Variants in OPRM1 observed in about 807,000 individuals in gnomAD.
The protein encoded by OPRM1 is opioid receptor mu 1.
A neutral mutation model predicts 31.8 loss-of-function variants in OPRM1; 27 were observed. That is an observed-to-expected ratio of 0.85 (90% CI 0.63 to 1.17). OPRM1 has a LOEUF of 1.17. Ranked by LOEUF, OPRM1 falls within the 50% of genes most tolerant of loss-of-function variation. The pLI, the probability that OPRM1 is intolerant of heterozygous loss-of-function variation, is 0.00. For missense variants in OPRM1, 536 were observed against 511.1 expected (o/e 1.05, Z -0.47); for synonymous variants, 196 against 189.9 (o/e 1.03, Z -0.26).
At chr6:154,058,065 G>T (rs1583279902) in intron 1 of OPRM1, among the ~76,000 whole-genome samples, 2 of 152,244 alleles carry the variant, frequency 1.3e-5, no homozygotes, top group East Asian at 3.9e-4. Context: ...ATGCCACAAA[G>T]CATAACTTAA....
At chr6:154,046,160 C>T (rs1275686173) in intron 1 of OPRM1, among the ~76,000 whole-genome samples, 1 of 152,184 alleles carries the variant, frequency 6.6e-6, no homozygotes, top group African/African-American at 2.4e-5. Context: ...AAGGTTTTCT[C>T]TTAACTATCA....
chr6:154,084,406 C>G (rs948633172), intron 1 of OPRM1, among the ~76,000 whole-genome samples: 2 of 151,560 alleles, frequency 1.3e-5, no homozygotes, highest in Non-Finnish European at 2.9e-5. Flanking sequence ...GAACCTCCCC[C>G]CCCAACAGAC....
chr6:154,168,843 TGA>T lies in OPRM1; in HGVS notation c.1164+77372_1164+77373del, dbSNP rs1799645367. Among the ~76,000 whole-genome samples, 1 of 149,746 alleles carries T rather than the reference TGA, an allele frequency of 6.7e-6. No individual in the cohort carries two copies. ...CTGGTCTTGAACTCCTGACTTTGGG[TGA>T]TCCGCCCACCTTGGCCTCCCAAAGT... On this transcript the variant is annotated intron_variant, in intron 3 of 3. Coordinates refer to the OPRM1 transcript ENST00000337049. This position sits in a 1 kb window ranked among gnomAD's most constrained non-coding sequence, Gnocchi z 4.1.
chr6:154,068,157 A>G (rs192573643), intron 1 of OPRM1, among the ~76,000 whole-genome samples: 1 of 152,272 alleles, frequency 6.6e-6, no homozygotes, highest in Non-Finnish European at 1.5e-5. Context: ...ATCATGTACC[A>G]CATGATATTT....
chr6:154,244,777 A>G (rs1780897199), intron 3 of OPRM1, among the ~76,000 whole-genome samples: 1 of 152,234 alleles, frequency 6.6e-6, no homozygotes, highest in South Asian at 2.1e-4. Flanking sequence ...AGCAGCCAGA[A>G]CATATTTGCT....
At chr6:154,152,347 G>GAAAGAAAGGAAAGAAAGAAA in intron 3 of OPRM1, among the ~76,000 whole-genome samples, 18 of 65,138 alleles carry the variant, frequency 2.8e-4, no homozygotes, top group African/African-American at 8.9e-4. Context: ...AAGAAAGAAA[G>GAAAGAAAGGAAAGAAAGAAA]GAAAGAAAGA....
intron 1 of OPRM1, among the ~76,000 whole-genome samples, chr6:154,013,347 T>TGA (rs1229780098): frequency 6.6e-6 from 1 of 152,132 alleles, no homozygotes; most frequent in East Asian, 1.9e-4. Flanking sequence ...TATTCGCCTG[T>TGA]GAGAGAGAGA....
At chr6:154,244,183 A>G (rs1444304619) in intron 3 of OPRM1, among the ~76,000 whole-genome samples, 1 of 152,122 alleles carries the variant, frequency 6.6e-6, no homozygotes, top group Non-Finnish European at 1.5e-5. Context: ...CTTGGGTCTT[A>G]TTTCACAGTT....
At chr6:154,067,796 A>C (rs1209351752) in intron 1 of OPRM1, among the ~76,000 whole-genome samples, 1 of 151,902 alleles carries the variant, frequency 6.6e-6, no homozygotes, top group Non-Finnish European at 1.5e-5. Context: ...CTTTTGCTTT[A>C]TATGTTTTTT....
intron 1 of OPRM1, chr6:154,086,724 T>C: frequency 1.0e-6 from 1 of 985,356 alleles, no homozygotes; most frequent in South Asian, 4.7e-5. Flanking sequence ...AACCAATTAC[T>C]TAACATAAAA....
chr6:154,056,405 A>G (rs997373408), intron 1 of OPRM1, among the ~76,000 whole-genome samples: 3 of 151,948 alleles, frequency 2.0e-5, no homozygotes, highest in African/African-American at 7.3e-5. Context: ...TACAGGCGTG[A>G]GCCAACGCGC....
chr6:154,072,519 T>G (rs1787001548), intron 1 of OPRM1, among the ~76,000 whole-genome samples: 1 of 152,224 alleles, frequency 6.6e-6, no homozygotes, highest in Non-Finnish European at 1.5e-5. Flanking sequence ...TCTTTCATTT[T>G]CAAGATAGCT....
In OPRM1 at chr6:154,125,456, A is replaced by G. The variant is rs1725701855; in HGVS notation, c.*6735A>G. Among the ~76,000 whole-genome samples, 1 of 152,262 alleles carries G rather than the reference A, an allele frequency of 6.6e-6. No homozygotes were observed. Among genetic ancestry groups the G allele is most frequent in the African/African-American group, 2.4e-5 (1 of 41,472 alleles). ...TGCTTAAGTTCCAACTAAAAGTATT[A>G]CATTCTTAGCATAAGTATACTCATA... On this transcript the variant is annotated 3_prime_UTR_variant, in exon 4 of 4. Coordinates refer to ENST00000330432, the MANE Select transcript of OPRM1 (RefSeq NM_000914.5).
At chr6:154,104,793 C>T (rs2128508239) in intron 3 of OPRM1, among the ~76,000 whole-genome samples, 1 of 152,322 alleles carries the variant, frequency 6.6e-6, no homozygotes, top group Non-Finnish European at 1.5e-5. Context: ...TGATGGAATG[C>T]TGTTCCACAG....
chr6:154,212,278 T>C (rs973028871), intron 3 of OPRM1, among the ~76,000 whole-genome samples: 3 of 152,336 alleles, frequency 2.0e-5, no homozygotes, highest in Non-Finnish European at 4.4e-5. Flanking sequence ...AATTCCTCTC[T>C]AGTGAATACA....
chr6:154,179,987 A>C (rs149885986), intron 3 of OPRM1, among the ~76,000 whole-genome samples: 1 of 152,310 alleles, frequency 6.6e-6, no homozygotes, highest in East Asian at 1.9e-4. Context: ...TTTGAGTAGC[A>C]AGGCCAGCCT....
At chr6:154,083,887 T>G (rs1789788383) in intron 1 of OPRM1, among the ~76,000 whole-genome samples, 1 of 133,486 alleles carries the variant, frequency 7.5e-6, no homozygotes, top group Non-Finnish European at 1.5e-5. Context: ...GAGCTTGCAG[T>G]GAGCCGAGAT....
At chr6:154,099,659 G>GTATATACATATATACATAGA (rs141279542) in intron 3 of OPRM1, among the ~76,000 whole-genome samples, 2 of 143,882 alleles carry the variant, frequency 1.4e-5, no homozygotes, top group Non-Finnish European at 1.5e-5. Context: ...ATACACACAT[G>GTATATACATATATACATAGA]TATATACATA....
chr6:154,105,166 C>A (rs189327946), intron 3 of OPRM1, among the ~76,000 whole-genome samples: 1 of 152,152 alleles, frequency 6.6e-6, no homozygotes, highest in African/African-American at 2.4e-5. Flanking sequence ...AACTATACTA[C>A]CATAAGTTAA....
Sources: allele counts gnomAD v4.1 joint callset (sites outside exome capture counted in the v4.1 genomes callset), GRCh38; gene constraint gnomAD v4.1.1; non-coding constraint Gnocchi (gnomAD v3.1); transcripts MANE v1.5; gene names NCBI Gene and HGNC (gene_info 2026-07-23, HGNC 2026-07-21).